DIAPH3: variants seen among roughly 807,000 people sequenced by gnomAD.
DIAPH3 encodes protein diaphanous homolog 3.
Under a neutral mutation model 144.3 loss-of-function variants are expected in DIAPH3, and 117 were observed. That is an observed-to-expected ratio of 0.81 (90% CI 0.70 to 0.95). DIAPH3 has a LOEUF of 0.95. Among genes scored for constraint, DIAPH3 ranks in the 40% least tolerant of loss-of-function variants. DIAPH3 has a pLI of 0.00. For missense variants in DIAPH3, 1,421 were observed against 1,412.7 expected (o/e 1.01, Z -0.09); for synonymous variants, 519 against 488.9 (o/e 1.06, Z -0.81).
chr13:60,149,893 A>G (rs930837374), intron 1 of DIAPH3, among the ~76,000 whole-genome samples: 3 of 152,138 alleles, frequency 2.0e-5, no homozygotes, highest in African/African-American at 7.2e-5. Flanking sequence ...AAAAAATAAT[A>G]AATGTCATCA....
At chr13:60,153,443 T>A (rs771409110) in intron 1 of DIAPH3, 1 of 152,116 alleles carries the variant, frequency 6.6e-6, no homozygotes, top group Non-Finnish European at 1.5e-5. Context: ...CCAACACCTA[T>A]GAAAAAGATA....
intron 24 of DIAPH3, among the ~76,000 whole-genome samples, chr13:59,821,937 G>C (rs1387791430): frequency 6.6e-6 from 1 of 152,180 alleles, no homozygotes; most frequent in Non-Finnish European, 1.5e-5. Flanking sequence ...AGGATGTGCA[G>C]GTGCTGATTA....
Position 59,970,075 on chromosome 13 carries a change from G to A in DIAPH3, c.1960-17C>T, listed in dbSNP as rs1372337336. The A allele has an allele frequency of 1.4e-6, 2 of 1,455,084 alleles. No individual in the cohort carries two copies. The highest frequency in any genetic ancestry group is 9.6e-7 in the Non-Finnish European group (1 of 1,045,518). The allele number at this position is 1,455,084 out of a possible 1,614,324, so 90.1% of individuals were successfully genotyped here. ...AGGTCTGATCTACAATCAGAGAGAA[G>A]ACTGATTCATCAATAGGTGAGTGTT... On this transcript the variant is annotated splice_polypyrimidine_tract_variant and intron_variant, in intron 16 of 27. Coordinates refer to ENST00000400324, the MANE Select transcript of DIAPH3 (RefSeq NM_001042517.2).
intron 1 of DIAPH3, among the ~76,000 whole-genome samples, chr13:60,145,785 A>G (rs771846227): frequency 6.6e-6 from 1 of 152,050 alleles, no homozygotes; most frequent in African/African-American, 2.4e-5. Context: ...AATGTGTAAT[A>G]GAAATGAAAA....
chr13:60,134,178 T>A (rs186116984), intron 1 of DIAPH3, among the ~76,000 whole-genome samples: 1 of 152,184 alleles, frequency 6.6e-6, no homozygotes, highest in Non-Finnish European at 1.5e-5. Flanking sequence ...CCAAAGAAAA[T>A]GTAGCCAAAT....
rs2056395426 is a variant in DIAPH3 at position 60,052,723 on chromosome 13, AG to A, written c.496-9904del. Among the ~76,000 whole-genome samples, 3 of 151,870 alleles carry A rather than the reference AG, an allele frequency of 2.0e-5. No individual in the cohort carries two copies. The South Asian group carries it at 6.2e-4, about 32-fold the overall frequency. ...TAGACTAAGGTTAAAATAAGAAAAG[AG>A]CAAAGGCGGGCGGATCACCTGAGGT... On this transcript the variant is annotated intron_variant, in intron 4 of 27. Transcript: ENST00000400324.
At chr13:59,691,994 A>G (rs193262160) in intron 27 of DIAPH3, among the ~76,000 whole-genome samples, 145 of 152,292 alleles carry the variant, frequency 9.5e-4, no homozygotes, top group Middle Eastern at 3.4e-3. Context: ...AAGGATTTTA[A>G]AAAGCTAAGT....
In DIAPH3 at chr13:60,130,491, C is replaced by A. The variant is rs1461139759; in HGVS notation, c.213+2466G>T. Among the ~76,000 whole-genome samples, 10 of 152,238 alleles carry A rather than the reference C, an allele frequency of 6.6e-5. No homozygotes were observed. In the South Asian group the frequency reaches 2.1e-3, roughly 32 times the overall value. ...GCAGGGGCAAGGCAATCCAGGCAAG[C>A]GGTCAGAAAGACTGACAGAAGGTCC... On this transcript the variant is annotated intron_variant, in intron 2 of 27. Transcript: ENST00000400324.
chr13:59,916,872 A>G (rs934973467), intron 18 of DIAPH3, among the ~76,000 whole-genome samples: 2 of 152,158 alleles, frequency 1.3e-5, no homozygotes, highest in African/African-American at 2.4e-5. Context: ...TGTACTAGAT[A>G]GTATAATATG....
At chr13:60,101,436 A>G (rs939460445) in intron 3 of DIAPH3, among the ~76,000 whole-genome samples, 1 of 152,140 alleles carries the variant, frequency 6.6e-6, no homozygotes, top group East Asian at 1.9e-4. Flanking sequence ...AAGCTTGTCC[A>G]GATTGCACCC....
At chr13:59,855,223 G>T (rs1482632366) in intron 22 of DIAPH3, among the ~76,000 whole-genome samples, 1 of 152,004 alleles carries the variant, frequency 6.6e-6, no homozygotes, top group Non-Finnish European at 1.5e-5. Flanking sequence ...AAATAAACTG[G>T]CAGGATTTAA....
intron 9 of DIAPH3, among the ~76,000 whole-genome samples, chr13:59,997,844 C>T (rs1190600631): frequency 1.3e-5 from 2 of 152,030 alleles, no homozygotes; most frequent in African/African-American, 2.4e-5. Flanking sequence ...ACAATTAAAT[C>T]GTGGCTCTAC....
At chr13:59,683,085 C>T (rs1292386056) in intron 27 of DIAPH3, among the ~76,000 whole-genome samples, 4 of 152,162 alleles carry the variant, frequency 2.6e-5, no homozygotes, top group South Asian at 2.1e-4. Context: ...GAACAGTGGG[C>T]CATGCTGCTT....
chr13:60,072,780 T>C (rs2057255062), intron 4 of DIAPH3, among the ~76,000 whole-genome samples: 2 of 152,316 alleles, frequency 1.3e-5, no homozygotes, highest in South Asian at 4.1e-4. Context: ...TGTTTAGTAC[T>C]GCTAGATGCT....
intron 19 of DIAPH3, among the ~76,000 whole-genome samples, chr13:59,913,664 G>A (rs1402770973): frequency 6.6e-6 from 1 of 152,000 alleles, no homozygotes; most frequent in Non-Finnish European, 1.5e-5. Flanking sequence ...AATTCTTATT[G>A]AGCCTAATAT....
chr13:59,893,282 C>T (rs1158463159), intron 20 of DIAPH3, among the ~76,000 whole-genome samples: 3 of 152,106 alleles, frequency 2.0e-5, no homozygotes, highest in South Asian at 4.1e-4. Flanking sequence ...GAAACAAACA[C>T]ACTATAAGCA....
At chr13:59,848,749 C>CAAACTAGTTCAACCA (rs2042817853) in intron 22 of DIAPH3, among the ~76,000 whole-genome samples, 1 of 37,710 alleles carries the variant, frequency 2.7e-5, no homozygotes. Context: ...CAAGTCTTTG[C>CAAACTAGTTCAACCA]TATTGTGAAT....
chr13:60,163,559 CCCCA>C, intron 1 of DIAPH3, 24 bp downstream of exon 1: 1 of 1,562,484 alleles, frequency 6.4e-7, no homozygotes, highest in Non-Finnish European at 8.7e-7. Context: ...GCGGGAGCGG[CCCCA>C]CCCTAGCTCC....
intron 27 of DIAPH3, among the ~76,000 whole-genome samples, chr13:59,707,402 C>T (rs563253247): frequency 2.0e-4 from 31 of 152,046 alleles, no homozygotes; most frequent in Non-Finnish European, 4.4e-4. Flanking sequence ...AATGTGAAAG[C>T]TCACAGAAAT....
Sources: allele counts gnomAD v4.1 joint callset (sites outside exome capture counted in the v4.1 genomes callset), GRCh38; gene constraint gnomAD v4.1.1; transcripts MANE v1.5; gene names NCBI Gene and HGNC (gene_info 2026-07-23, HGNC 2026-07-21).